STK4: variants seen among roughly 807,000 people sequenced by gnomAD.
The protein encoded by STK4 is serine/threonine kinase 4.
In STK4, 30 loss-of-function variants were observed where a neutral mutation model predicts 64.9. The ratio of observed to expected loss-of-function variants is 0.46; its 90% CI spans 0.35 to 0.63. The LOEUF is 0.63. STK4 is among the 20% of genes least tolerant of loss of function. The probability of loss-of-function intolerance (pLI) is 0.01; values close to 1 mark genes in which losing one functional copy is unlikely to be tolerated. For synonymous variants in STK4, 177 were observed against 199.0 expected (o/e 0.89, Z 0.93); for missense variants, 466 against 598.5 (o/e 0.78, Z 2.31).
intron 6 of STK4, among the ~76,000 whole-genome samples, chr20:44,996,338 C>T (rs977339024): frequency 3.9e-5 from 6 of 152,084 alleles, no homozygotes; most frequent in African/African-American, 1.4e-4. Context: ...TACACCCCCC[C>T]GCCAACCCTG....
chr20:44,995,945 CTACTT>C (rs1261544118), intron 6 of STK4, among the ~76,000 whole-genome samples: 1 of 152,192 alleles, frequency 6.6e-6, no homozygotes, highest in African/African-American at 2.4e-5. Flanking sequence ...TATGAACTCT[CTACTT>C]TATCAGTCTC....
chr20:45,015,496 A>G (rs1273112138), intron 9 of STK4, among the ~76,000 whole-genome samples: 1 of 152,218 alleles, frequency 6.6e-6, no homozygotes, highest in African/African-American at 2.4e-5. Flanking sequence ...TCATCAGAGT[A>G]TTGTGTTGGT....
chr20:45,007,375 A>G (rs1305630164), intron 9 of STK4, among the ~76,000 whole-genome samples: 1 of 152,010 alleles, frequency 6.6e-6, no homozygotes, highest in Non-Finnish European at 1.5e-5. Flanking sequence ...ATATGGTGAA[A>G]CCCCATCTTA....
At chr20:45,038,829 GT>G (rs570812997) in intron 10 of STK4, among the ~76,000 whole-genome samples, 2 of 151,866 alleles carry the variant, frequency 1.3e-5, no homozygotes, top group South Asian at 2.1e-4. Context: ...CATTAATGTA[GT>G]TTTTTTCAAT....
chr20:45,025,648 A>G (rs1389168924), intron 10 of STK4, among the ~76,000 whole-genome samples: 6 of 152,200 alleles, frequency 3.9e-5, no homozygotes, highest in Non-Finnish European at 5.9e-5. Context: ...TCCCTCAACC[A>G]TAGACACTTA....
intron 4 of STK4, among the ~76,000 whole-genome samples, 171 bp downstream of exon 4, chr20:44,982,114 T>C (rs1844831548): frequency 6.7e-6 from 1 of 149,786 alleles, no homozygotes; most frequent in Non-Finnish European, 1.5e-5. Context: ...GACAGCTTTT[T>C]TTTTTTTTTT....
intron 10 of STK4, among the ~76,000 whole-genome samples, chr20:45,047,299 T>C (rs1489406600): frequency 6.6e-6 from 1 of 152,198 alleles, no homozygotes; most frequent in Non-Finnish European, 1.5e-5. Flanking sequence ...AGGTGACCTG[T>C]CCCACCCTTG....
Position 45,075,399 on chromosome 20 carries a change from T to C in STK4, c.*223T>C. On this transcript the variant is annotated 3_prime_UTR_variant, in exon 11 of 11. Coordinates refer to ENST00000372806, the MANE Select transcript of STK4 (RefSeq NM_006282.5). Reference sequence around the variant, plus strand: ...GGTATATTATCTCAAAGGATTTATATTGGCGCTTTTAACTCAGAGTTTTAA... The same window carrying C: ...GGTATATTATCTCAAAGGATTTATACTGGCGCTTTTAACTCAGAGTTTTAA... 2.1e-6 allele frequency: 1 copy of C among 470,878 alleles called. No homozygotes were observed. The highest frequency in any genetic ancestry group is 3.7e-6 in the Non-Finnish European group (1 of 269,928). The allele number at this position is 470,878 out of a possible 1,614,324, so 29.2% of individuals were successfully genotyped here.
At chr20:44,971,665 CTTTTTTTTTTT>C (rs71197585) in intron 1 of STK4, among the ~76,000 whole-genome samples, 4 of 90,364 alleles carry the variant, frequency 4.4e-5, no homozygotes, top group South Asian at 3.6e-4. Context: ...AGCCACATGA[CTTTTTTTTTTT>C]TTTTTTTTTT....
Position 45,000,405 on chromosome 20 carries a change from G to A in STK4, c.845G>A (p.Arg282Lys), listed in dbSNP as rs6103955. The A allele has an allele frequency of 6.2e-7, 1 of 1,613,810 alleles. No homozygotes were observed. Among genetic ancestry groups the A allele is most frequent in the Non-Finnish European group, 8.5e-7 (1 of 1,179,870 alleles). ...ATQLLQHPFVRSAKGVSILRD... is the reference protein window; with the variant it reads ...ATQLLQHPFVKSAKGVSILRD... ...TTGTTCTTTTAGCACCCATTTGTCA[G>A]GAGTGCCAAAGGAGTGTCAATACTG... Residue 282 changes from arginine (R) to lysine (K), a missense_variant, in exon 8 of 11, where the codon AGG (arginine) becomes AAG (lysine). By Grantham distance (26) the Arg-to-Lys change is conservative. Around this residue, in one of 2 missense-constraint regions of STK4, gnomAD observed 276 missense variants for 308.9 expected, o/e 0.89. Transcript: ENST00000372806.
At chr20:44,987,700 G>A (rs894847095) in intron 5 of STK4, among the ~76,000 whole-genome samples, 4 of 151,766 alleles carry the variant, frequency 2.6e-5, no homozygotes, top group Non-Finnish European at 4.4e-5. Flanking sequence ...CACTCTGTTC[G>A]TTTGAGTCCA....
At chr20:45,063,054 A>C (rs1231758346) in intron 10 of STK4, among the ~76,000 whole-genome samples, 1 of 109,350 alleles carries the variant, frequency 9.1e-6, no homozygotes, top group African/African-American at 3.8e-5. Flanking sequence ...CTCAGGCTGG[A>C]GTGCGGTGGT....
At chr20:45,053,516 G>A (rs1033289269) in intron 10 of STK4, among the ~76,000 whole-genome samples, 2 of 152,188 alleles carry the variant, frequency 1.3e-5, no homozygotes, top group African/African-American at 4.8e-5. Context: ...GAGAAAAAGA[G>A]CTGAGTCCAG....
intron 10 of STK4, among the ~76,000 whole-genome samples, chr20:45,056,381 G>T (rs1388423549): frequency 6.6e-6 from 1 of 152,142 alleles, no homozygotes; most frequent in South Asian, 2.1e-4. Flanking sequence ...CATTCACTTA[G>T]CATACTGTTC....
Position 45,039,380 on chromosome 20 carries a change from G to T in STK4, c.1305+14250G>T, listed in dbSNP as rs1009358902. ...TCATCAGAAGAGTAGCTAAGTGTAGGGAAGTTGTCAAGCTCACAGTGGTAG... is the reference window on the plus strand; with the variant it reads ...TCATCAGAAGAGTAGCTAAGTGTAGTGAAGTTGTCAAGCTCACAGTGGTAG... On this transcript the variant is annotated intron_variant, in intron 10 of 10. Transcript: ENST00000372806. Among the ~76,000 whole-genome samples the T allele has an allele frequency of 3.3e-5, 5 of 152,048 alleles. No individual in the cohort carries two copies. In the South Asian group the frequency reaches 1.0e-3, roughly 31 times the overall value.
chr20:44,970,387 C>T (rs2067222611), intron 1 of STK4, among the ~76,000 whole-genome samples: 1 of 152,074 alleles, frequency 6.6e-6, no homozygotes, highest in Admixed American at 6.5e-5. Context: ...AGAGTCAACA[C>T]TTCAAAGAAA....
At chr20:45,043,677 A>G (rs1409616773) in intron 10 of STK4, among the ~76,000 whole-genome samples, 1 of 152,236 alleles carries the variant, frequency 6.6e-6, no homozygotes, top group African/African-American at 2.4e-5. Flanking sequence ...GAAAGTGCTC[A>G]TTGGAGCATT....
chr20:45,057,284 C>T (rs1231964574), intron 10 of STK4, among the ~76,000 whole-genome samples: 1 of 152,212 alleles, frequency 6.6e-6, no homozygotes, highest in African/African-American at 2.4e-5. Flanking sequence ...TCACAGCACA[C>T]GTTCTTCAGA....
chr20:45,006,277 T>TTATG (rs1385786701), intron 9 of STK4, among the ~76,000 whole-genome samples: 1 of 151,790 alleles, frequency 6.6e-6, no homozygotes, highest in Non-Finnish European at 1.5e-5. Flanking sequence ...ATTTATTTAT[T>TTATG]TATTCCCAGA....
Sources: allele counts gnomAD v4.1 joint callset (sites outside exome capture counted in the v4.1 genomes callset), GRCh38; gene constraint gnomAD v4.1.1; regional missense constraint gnomAD v4.1.1; transcripts MANE v1.5; gene names NCBI Gene and HGNC (gene_info 2026-07-23, HGNC 2026-07-21).